Variants in MPPED2 observed in about 807,000 individuals in gnomAD.
The protein encoded by MPPED2 is metallophosphoesterase MPPED2.
MPPED2 carries 5 observed loss-of-function variants against 33.0 expected under a neutral mutation model. The observed-to-expected ratio is 0.15, with a 90% CI of 0.08 to 0.32. MPPED2 has a LOEUF of 0.32. Among genes scored for constraint, MPPED2 ranks in the 10% least tolerant of loss-of-function variants. The pLI, the probability that MPPED2 is intolerant of heterozygous loss-of-function variation, is 1.00. For synonymous variants in MPPED2, 136 were observed against 141.9 expected (o/e 0.96, Z 0.29); for missense variants, 275 against 372.1 (o/e 0.74, Z 2.15).
At chr11:30,554,829 C>T (rs1955890436) in intron 2 of MPPED2, among the ~76,000 whole-genome samples, 1 of 152,114 alleles carries the variant, frequency 6.6e-6, no homozygotes. Context: ...AAGATCCCCA[C>T]GTGTGTCTGT....
At chr11:30,502,054 G>A (rs1287856412) in intron 3 of MPPED2, among the ~76,000 whole-genome samples, 1 of 151,282 alleles carries the variant, frequency 6.6e-6, no homozygotes, top group Non-Finnish European at 1.5e-5. Context: ...ATCATTCTAA[G>A]AAAGTTAACC....
intron 4 of MPPED2, among the ~76,000 whole-genome samples, chr11:30,433,490 C>T (rs1286730275): frequency 6.6e-6 from 1 of 152,144 alleles, no homozygotes; most frequent in Non-Finnish European, 1.5e-5. Flanking sequence ...GATGAGGAAA[C>T]TGAGGCAAAA....
At chr11:30,557,758 T>C (rs1278099462) in intron 2 of MPPED2, among the ~76,000 whole-genome samples, 4 of 152,168 alleles carry the variant, frequency 2.6e-5, no homozygotes, top group East Asian at 1.9e-4. Flanking sequence ...TCCAACATAT[T>C]TGAAGATAAG....
At chr11:30,390,568 A>G (rs927964038) in intron 6 of MPPED2, among the ~76,000 whole-genome samples, 1 of 152,204 alleles carries the variant, frequency 6.6e-6, no homozygotes, top group African/African-American at 2.4e-5. Flanking sequence ...CAGGCGCTGA[A>G]ATATGTCAAC....
Position 30,495,286 on chromosome 11 carries a change from C to T in MPPED2, c.536+10G>A. 6.3e-7 allele frequency: 1 copy of T among 1,590,552 alleles called. No individual in the cohort carries two copies. The highest frequency in any genetic ancestry group is 1.1e-5 in the South Asian group (1 of 90,552). ...AAGCAATGTGGAAAACTGTTTGAAT[C>T]ATCACTTACCAAGGTGCACCGTATA... On this transcript the variant is annotated intron_variant, in intron 4 of 6. Coordinates refer to ENST00000358117, the MANE Select transcript of MPPED2 (RefSeq NM_001584.3).
intron 2 of MPPED2, among the ~76,000 whole-genome samples, chr11:30,578,401 A>T (rs1957023294): frequency 6.6e-6 from 1 of 152,192 alleles, no homozygotes; most frequent in Non-Finnish European, 1.5e-5. Context: ...AAAGCACTAC[A>T]CAGCTGTCTA....
intron 6 of MPPED2, 127 bp from the exon 7 acceptor site, chr11:30,411,713 C>T (rs1948112691): frequency 3.6e-6 from 2 of 553,546 alleles, no homozygotes; most frequent in Non-Finnish European, 6.0e-6. Flanking sequence ...AGTTGAGCCT[C>T]CTCAGATATA....
At chr11:30,484,289 T>C (rs1477696707) in intron 4 of MPPED2, among the ~76,000 whole-genome samples, 3 of 152,188 alleles carry the variant, frequency 2.0e-5, no homozygotes, top group Non-Finnish European at 4.4e-5. Context: ...TAGTATGCCC[T>C]TCTATACCAG....
At chr11:30,457,372 C>A in intron 4 of MPPED2, among the ~76,000 whole-genome samples, 1 of 121,140 alleles carries the variant, frequency 8.3e-6, no homozygotes, top group Non-Finnish European at 1.7e-5. Flanking sequence ...ATTTTGACTT[C>A]CTAATTTTCC....
intron 3 of MPPED2, among the ~76,000 whole-genome samples, chr11:30,524,478 G>C (rs1296867203): frequency 1.3e-5 from 2 of 152,126 alleles, no homozygotes; most frequent in Admixed American, 1.3e-4. Context: ...CAGTATGTTG[G>C]GAGGGCCCAT....
intron 3 of MPPED2, 108 bp from the exon 4 acceptor site, chr11:30,495,629 C>T (rs1952215630): frequency 6.8e-6 from 5 of 737,376 alleles, no homozygotes; most frequent in Non-Finnish European, 1.1e-5. Context: ...AAATAGCTCG[C>T]AAATTCCTTT....
At chr11:30,484,611 G>C (rs12281953) in intron 4 of MPPED2, among the ~76,000 whole-genome samples, 12,135 of 152,120 alleles carry the variant, frequency 0.08, 1,547 homozygotes, top group African/African-American at 0.27. Context: ...TTTTTCCTGG[G>C]TGGAAACACA....
At chr11:30,560,860 T>C (rs1325406239) in intron 2 of MPPED2, among the ~76,000 whole-genome samples, 1 of 152,044 alleles carries the variant, frequency 6.6e-6, no homozygotes, top group East Asian at 1.9e-4. Context: ...CCACCTGGTG[T>C]GGAAGAAAAA....
chr11:30,522,241 G>A (rs1467764275), intron 3 of MPPED2, among the ~76,000 whole-genome samples: 2 of 152,102 alleles, frequency 1.3e-5, no homozygotes, highest in African/African-American at 2.4e-5. Context: ...TTACATAACA[G>A]TTGTATTAAT....
intron 3 of MPPED2, among the ~76,000 whole-genome samples, chr11:30,497,547 A>G (rs1952331287): frequency 6.6e-6 from 1 of 152,150 alleles, no homozygotes; most frequent in Non-Finnish European, 1.5e-5. Flanking sequence ...GATGGGACTC[A>G]CTGTAAACCC....
chr11:30,528,349 G>A (rs958036612), intron 3 of MPPED2, among the ~76,000 whole-genome samples: 1 of 152,154 alleles, frequency 6.6e-6, no homozygotes, highest in Admixed American at 6.5e-5. Context: ...TCTGCCTCCC[G>A]GGTTCAGGTG....
At chr11:30,468,261 C>G (rs886791417) in intron 4 of MPPED2, among the ~76,000 whole-genome samples, 1 of 57,956 alleles carries the variant, frequency 1.7e-5, no homozygotes, top group African/African-American at 4.1e-5. Flanking sequence ...CACACACTCT[C>G]TCTCTCTCTC....
At chr11:30,492,212 C>T (rs1019597317) in intron 4 of MPPED2, among the ~76,000 whole-genome samples, 3 of 152,016 alleles carry the variant, frequency 2.0e-5, no homozygotes, top group Non-Finnish European at 2.9e-5. Context: ...TCTGTTTGTT[C>T]GATTGCTTGA....
At chr11:30,504,477 G>T (rs1336898370) in intron 3 of MPPED2, among the ~76,000 whole-genome samples, 3 of 152,074 alleles carry the variant, frequency 2.0e-5, no homozygotes, top group Non-Finnish European at 4.4e-5. Flanking sequence ...GTGGGGAGGG[G>T]GTTCTATAAG....
Sources: allele counts gnomAD v4.1 joint callset (sites outside exome capture counted in the v4.1 genomes callset), GRCh38; gene constraint gnomAD v4.1.1; transcripts MANE v1.5; gene names NCBI Gene and HGNC (gene_info 2026-07-23, HGNC 2026-07-21).